Variants in GRM7 observed in about 807,000 individuals in gnomAD.
The protein encoded by GRM7 is glutamate metabotropic receptor 7.
GRM7 carries 35 observed loss-of-function variants against 84.5 expected under a neutral mutation model. The ratio of observed to expected loss-of-function variants is 0.41; its 90% confidence interval spans 0.32 to 0.55. GRM7 has a LOEUF of 0.55. Ranked by LOEUF, GRM7 falls within the 20% of genes least tolerant of loss-of-function variation. The probability of loss-of-function intolerance (pLI) is 0.19; values close to 1 mark genes in which losing one functional copy is unlikely to be tolerated. For synonymous variants in GRM7, 487 were observed against 455.1 expected (o/e 1.07, Z -0.89); for missense variants, 1,003 against 1,194.6 (o/e 0.84, Z 2.36).
At chr3:7,302,519 C>T (rs1700037847) in intron 3 of GRM7, among the ~76,000 whole-genome samples, 1 of 152,066 alleles carries the variant, frequency 6.6e-6, no homozygotes, top group Admixed American at 6.6e-5. Context: ...CAAACTTCGT[C>T]AGCACCTCCC....
chr3:6,961,250 T>C (rs1009749448), intron 1 of GRM7, among the ~76,000 whole-genome samples: 2 of 152,204 alleles, frequency 1.3e-5, no homozygotes, highest in Non-Finnish European at 2.9e-5. Context: ...AATATCACGC[T>C]AAAGATACCA....
intron 1 of GRM7, among the ~76,000 whole-genome samples, chr3:7,069,325 T>A (rs1020459682): frequency 2.6e-5 from 4 of 151,934 alleles, no homozygotes; most frequent in Admixed American, 2.6e-4. Context: ...ACTAGAGCTG[T>A]GGCCTTCAGT....
chr3:6,917,692 G>A (rs1221545946), intron 1 of GRM7, among the ~76,000 whole-genome samples: 1 of 152,070 alleles, frequency 6.6e-6, no homozygotes, highest in Non-Finnish European at 1.5e-5. Flanking sequence ...TCTCCTGTGA[G>A]TAAATAATGT....
At chr3:6,983,282 A>G (rs1694273641) in intron 1 of GRM7, among the ~76,000 whole-genome samples, 1 of 152,174 alleles carries the variant, frequency 6.6e-6, no homozygotes, top group Non-Finnish European at 1.5e-5. Flanking sequence ...GACTAAATAG[A>G]AAGGAAGCAA....
At chr3:7,353,116 A>G (rs114698862) in intron 4 of GRM7, among the ~76,000 whole-genome samples, 10,736 of 152,062 alleles carry the variant, frequency 0.071, 426 homozygotes, top group African/African-American at 0.11. Flanking sequence ...TAGGCAAGAC[A>G]CTGCTGATTG....
chr3:6,940,981 C>T (rs1258615493), intron 1 of GRM7, among the ~76,000 whole-genome samples: 1 of 152,180 alleles, frequency 6.6e-6, no homozygotes, highest in Non-Finnish European at 1.5e-5. Flanking sequence ...ATGGTAAACC[C>T]ATGGGTGGAG....
chr3:7,524,353 G>A (rs537858040), intron 7 of GRM7, among the ~76,000 whole-genome samples: 21 of 142,620 alleles, frequency 1.5e-4, no homozygotes, highest in East Asian at 4.1e-4. Context: ...GAAAATTTTC[G>A]CAACCTACTC....
At chr3:7,334,217 C>A (rs1449730942) in intron 4 of GRM7, among the ~76,000 whole-genome samples, 1 of 152,000 alleles carries the variant, frequency 6.6e-6, no homozygotes, top group Non-Finnish European at 1.5e-5. Flanking sequence ...AAAAGTATCA[C>A]CTGTAAAGGA....
chr3:7,251,428 C>T (rs1697982687), intron 2 of GRM7, among the ~76,000 whole-genome samples: 1 of 150,710 alleles, frequency 6.6e-6, no homozygotes, highest in Non-Finnish European at 1.5e-5. Context: ...TTTTTTTTCA[C>T]AAAAAAAGTA....
At chr3:6,898,101 C>G (rs775970188) in intron 1 of GRM7, among the ~76,000 whole-genome samples, 1 of 152,136 alleles carries the variant, frequency 6.6e-6, no homozygotes, top group African/African-American at 2.4e-5. Flanking sequence ...TCAAGTTAGG[C>G]CATGCGAGAC....
intron 2 of GRM7, among the ~76,000 whole-genome samples, chr3:7,184,649 T>C (rs1282239119): frequency 6.6e-6 from 1 of 152,144 alleles, no homozygotes. Flanking sequence ...AAATATATTA[T>C]CATTTTTAAG....
At position 7,309,097 on chromosome 3, in the gene GRM7, T is replaced by G. The variant is rs59126186; in HGVS notation, c.1033+2445T>G. On this transcript the variant is annotated intron_variant, in intron 4 of 9. Transcript: ENST00000357716. Reference sequence around the variant, plus strand: ...CTCACCCAGAGAAGAGTGAAGATTTTTTGTGGCCATGTACAAAAATGCTGT... The same window carrying G: ...CTCACCCAGAGAAGAGTGAAGATTTGTTGTGGCCATGTACAAAAATGCTGT... Among the ~76,000 whole-genome samples, 1,392 of 152,304 alleles carry G rather than the reference T, an allele frequency of 9.1e-3. 20 individuals are homozygous for G. Among genetic ancestry groups the G allele is most frequent in the African/African-American group, 0.031 (1,293 of 41,582 alleles).
chr3:7,394,140 G>A (rs924103798), intron 4 of GRM7, among the ~76,000 whole-genome samples: 1 of 152,266 alleles, frequency 6.6e-6, no homozygotes, highest in South Asian at 2.1e-4. Context: ...ACTAGAATCT[G>A]AAAGTGAACC....
intron 1 of GRM7, among the ~76,000 whole-genome samples, chr3:6,940,135 A>G (rs1697835203): frequency 6.6e-6 from 1 of 152,144 alleles, no homozygotes; most frequent in Non-Finnish European, 1.5e-5. Flanking sequence ...CTCTGCCACC[A>G]GGCTGGAATG....
In GRM7 at chr3:7,452,695, C is replaced by G; in HGVS notation, c.1263C>G (p.Ala421=). 5 of 1,612,880 alleles carry G rather than the reference C, an allele frequency of 3.1e-6. No homozygotes were observed. Among genetic ancestry groups the G allele is most frequent in the Non-Finnish European group, 4.2e-6 (5 of 1,179,116 alleles). ...VIDAVYAMAH[A]LHHMNKDLCA... ...ACGCAGTCTATGCTATGGCTCACGC[C>G]CTTCACCACATGAACAAGGATCTCT... The change falls in exon 6 of 10, where the codon GCC becomes GCG. Residue 421 remains alanine (A), a synonymous_variant. Coordinates refer to ENST00000357716, the MANE Select transcript of GRM7 (RefSeq NM_000844.4).
chr3:6,929,938 T>C lies in GRM7; in HGVS notation c.519+68031T>C, dbSNP rs1697441681. Among the ~76,000 whole-genome samples, 3 of 152,214 alleles carry C rather than the reference T, an allele frequency of 2.0e-5. No individual in the cohort carries two copies. The South Asian group carries it at 6.2e-4, about 32-fold the overall frequency. ...TCCGGAGATCAATACCTCATACAAA[T>C]TTTTACAAGGCAGACCCCACAAACG... On this transcript the variant is annotated intron_variant, in intron 1 of 9. Transcript: ENST00000357716.
intron 1 of GRM7, among the ~76,000 whole-genome samples, chr3:7,045,568 A>G (rs1320848383): frequency 1.3e-5 from 2 of 152,078 alleles, no homozygotes; most frequent in African/African-American, 4.8e-5. Flanking sequence ...GATAAGCACC[A>G]TTTTACTCTT....
At chr3:6,900,385 C>A (rs9856655) in intron 1 of GRM7, among the ~76,000 whole-genome samples, 16,183 of 152,040 alleles carry the variant, frequency 0.11, 924 homozygotes, top group Non-Finnish European at 0.14. Flanking sequence ...AACCATCTGG[C>A]GAATAATACA....
intron 7 of GRM7, among the ~76,000 whole-genome samples, chr3:7,476,528 A>G (rs1271065700): frequency 6.6e-6 from 1 of 152,138 alleles, no homozygotes; most frequent in African/African-American, 2.4e-5. Flanking sequence ...GCCTGGTGAC[A>G]GTTCGAGACT....
Sources: allele counts gnomAD v4.1 joint callset (sites outside exome capture counted in the v4.1 genomes callset), GRCh38; gene constraint gnomAD v4.1.1; transcripts MANE v1.5; gene names NCBI Gene and HGNC (gene_info 2026-07-23, HGNC 2026-07-21).